Variants in SVOPL observed in about 807,000 individuals in gnomAD.
The protein encoded by SVOPL is SVOP like.
Under a neutral mutation model 61.0 loss-of-function variants are expected in SVOPL, and 60 were observed. That is an observed-to-expected ratio of 0.98 (90% CI 0.80 to 1.22). The LOEUF (loss-of-function observed/expected upper bound fraction) is 1.22, where lower values mean the gene tolerates loss of function less well. Ranked by LOEUF, SVOPL falls within the 50% of genes most tolerant of loss-of-function variation. SVOPL has a pLI of 0.00. For missense variants in SVOPL, 662 were observed against 643.9 expected (o/e 1.03, Z -0.30); for synonymous variants, 279 against 250.0 (o/e 1.12, Z -1.09).
At chr7:138,634,505 A>G (rs1625451) in intron 9 of SVOPL, among the ~76,000 whole-genome samples, 133,298 of 151,618 alleles carry the variant, frequency 0.88, 58,961 homozygotes, top group East Asian at 1. Context: ...AAAATTAGCC[A>G]GGTGTGGTGG....
chr7:138,637,539 T>TAC (rs1225617075), intron 9 of SVOPL, among the ~76,000 whole-genome samples: 2 of 150,462 alleles, frequency 1.3e-5, no homozygotes, highest in East Asian at 1.9e-4. Context: ...CCTACATACA[T>TAC]ACACACACAC....
At chr7:138,646,333 C>T (rs1801110035) in intron 8 of SVOPL, 2 of 181,086 alleles carry the variant, frequency 1.1e-5, no homozygotes, top group South Asian at 2.5e-4. Context: ...AGCGCCCATC[C>T]CCTTGATGTC....
chr7:138,630,592 G>T (rs1005191057), intron 9 of SVOPL, among the ~76,000 whole-genome samples: 28 of 152,154 alleles, frequency 1.8e-4, no homozygotes, highest in Non-Finnish European at 3.8e-4. Flanking sequence ...GTCTCTAAGG[G>T]GGGTAGTTAG....
At chr7:138,689,119 A>T in intron 1 of SVOPL, 1 of 813,976 alleles carries the variant, frequency 1.2e-6, no homozygotes. Context: ...GCCACGAAGT[A>T]TCTGAAAGAT....
chr7:138,628,746 C>A (rs976982963), intron 10 of SVOPL, among the ~76,000 whole-genome samples: 8 of 152,122 alleles, frequency 5.3e-5, no homozygotes, highest in Non-Finnish European at 1.2e-4. Context: ...CATGGACTGG[C>A]GGATTTGTAA....
rs1029359101 is a variant in SVOPL at position 138,625,979 on chromosome 7, T to A, written c.1253A>T (p.Tyr418Phe). ...VAANFNTVYI[Y>F]TAEVYPTTMR... ...TGCATGAAAACTCACCTCAGCTGTG[T>A]AAATGTAGACGGTGTTGAAGTTTGC... Residue 418 changes from tyrosine to phenylalanine, a missense_variant, in exon 13 of 16, where the codon TAC becomes TTC. Tyr to Phe is a conservative substitution (Grantham distance 22). Coordinates refer to ENST00000674285, the MANE Select transcript of SVOPL (RefSeq NM_001139456.2). 6.2e-7 allele frequency: 1 copy of A among 1,614,096 alleles called. No individual in the cohort carries two copies. Among genetic ancestry groups the A allele is most frequent in the Non-Finnish European group, 8.5e-7 (1 of 1,180,000 alleles).
chr7:138,689,277 A>G, intron 1 of SVOPL: 1 of 1,581,422 alleles, frequency 6.3e-7, no homozygotes, highest in Non-Finnish European at 8.6e-7. Flanking sequence ...AAATGCAGAG[A>G]GCAATGCAGA....
rs1563133275 is a variant in SVOPL, at chr7:138,672,659, A to AG, written c.175-543_175-542insC. On this transcript the variant is annotated intron_variant, in intron 3 of 15. Coordinates refer to ENST00000674285, the MANE Select transcript of SVOPL (RefSeq NM_001139456.2). ...GGAAAGTGTTTTTTTTTGTGTTTAA[A>AG]AAAAAAAAAAAAAAAAGAAGCAATG... 4.6e-5 allele frequency among the ~76,000 whole-genome samples: 6 copies of AG among 131,452 alleles called. No homozygotes were observed. In the East Asian group the frequency reaches 1.4e-3, roughly 31 times the overall value. 86.2% of individuals were successfully genotyped at this position (131,452 alleles called of 152,430 possible).
intron 9 of SVOPL, among the ~76,000 whole-genome samples, chr7:138,633,207 T>C (rs1800299049): frequency 2.0e-5 from 3 of 152,170 alleles, no homozygotes; most frequent in Non-Finnish European, 4.4e-5. Flanking sequence ...ATGGAATCAT[T>C]CTGAATCCTT....
intron 13 of SVOPL, among the ~76,000 whole-genome samples, chr7:138,624,613 G>A (rs1042603518): frequency 1.3e-5 from 2 of 151,560 alleles, no homozygotes; most frequent in Non-Finnish European, 2.9e-5. Flanking sequence ...ACACGAAATT[G>A]GAATACAAAA....
chr7:138,665,600 T>A (rs755332467), intron 4 of SVOPL, among the ~76,000 whole-genome samples: 1 of 152,120 alleles, frequency 6.6e-6, no homozygotes, highest in Non-Finnish European at 1.5e-5. Context: ...GCTGTAAATA[T>A]CACATTTACA....
chr7:138,605,192 A>T (rs971518647), intron 14 of SVOPL, among the ~76,000 whole-genome samples: 90 of 86,166 alleles, frequency 1.0e-3, no homozygotes, highest in Non-Finnish European at 1.6e-3. Flanking sequence ...ACATTTATTT[A>T]AAAAAAAAAA....
intron 14 of SVOPL, among the ~76,000 whole-genome samples, chr7:138,616,628 A>G (rs1799316229): frequency 6.6e-6 from 1 of 152,012 alleles, no homozygotes; most frequent in South Asian, 2.1e-4. Flanking sequence ...GAGCCACCAC[A>G]CCTGGCCCTG....
chr7:138,603,955 CTTTTTTT>C (rs560678707), intron 14 of SVOPL, among the ~76,000 whole-genome samples: 51 of 109,250 alleles, frequency 4.7e-4, no homozygotes, highest in East Asian at 4.1e-3. Context: ...TTAATTTATT[CTTTTTTT>C]TTTTTTTTTT....
chr7:138,610,986 G>T (rs576036447), intron 14 of SVOPL, among the ~76,000 whole-genome samples: 1 of 152,166 alleles, frequency 6.6e-6, no homozygotes, highest in East Asian at 1.9e-4. Flanking sequence ...TCCTAAGACC[G>T]CTGCCACTCT....
chr7:138,625,375 C>T (rs1386777632), intron 13 of SVOPL, among the ~76,000 whole-genome samples: 4 of 152,174 alleles, frequency 2.6e-5, no homozygotes, highest in South Asian at 2.1e-4. Flanking sequence ...TGTAGCTCAA[C>T]GAATGACAAA....
intron 1 of SVOPL, among the ~76,000 whole-genome samples, chr7:138,691,347 T>C (rs1033641204): frequency 6.6e-6 from 1 of 152,002 alleles, no homozygotes; most frequent in Non-Finnish European, 1.5e-5. Flanking sequence ...ACATTAAATC[T>C]CTTCTATCAG....
At chr7:138,634,687 GCATGGTGGCACA>G (rs1375152034) in intron 9 of SVOPL, among the ~76,000 whole-genome samples, 1 of 149,896 alleles carries the variant, frequency 6.7e-6, no homozygotes, top group African/African-American at 2.5e-5. Flanking sequence ...AATTAGCCAG[GCATGGTGGCACA>G]TGCCTGCAAT....
intron 8 of SVOPL, among the ~76,000 whole-genome samples, chr7:138,646,843 A>T (rs1801139678): frequency 6.6e-6 from 1 of 152,150 alleles, no homozygotes; most frequent in Non-Finnish European, 1.5e-5. Flanking sequence ...GACTACACCA[A>T]CAGAGGCAGA....
Sources: allele counts gnomAD v4.1 joint callset (sites outside exome capture counted in the v4.1 genomes callset), GRCh38; gene constraint gnomAD v4.1.1; transcripts MANE v1.5; gene names NCBI Gene and HGNC (gene_info 2026-07-23, HGNC 2026-07-21).